Variants in B9D1 observed in about 807,000 individuals in gnomAD.
B9D1 encodes the protein B9 domain containing 1.
In B9D1, 20 loss-of-function variants were observed where a neutral mutation model predicts 26.1. The ratio of observed to expected loss-of-function variants is 0.77; its 90% CI spans 0.54 to 1.12. The LOEUF is 1.12. B9D1 is among the 50% of genes most tolerant of loss of function. B9D1 has a pLI of 0.00. For synonymous variants in B9D1, 105 were observed against 103.1 expected (o/e 1.02, Z -0.11); for missense variants, 260 against 273.7 (o/e 0.95, Z 0.35).
At chr17:19,368,770 C>A (rs555199890) in intron 1 of B9D1, among the ~76,000 whole-genome samples, 10 of 152,038 alleles carry the variant, frequency 6.6e-5, no homozygotes, top group Non-Finnish European at 1.5e-4. Flanking sequence ...ATAGAGACCC[C>A]GTCTCTAAGA....
intron 1 of B9D1, among the ~76,000 whole-genome samples, chr17:19,376,207 G>A (rs1912092466): frequency 1.3e-5 from 2 of 152,194 alleles, no homozygotes; most frequent in African/African-American, 2.4e-5. Context: ...GGGCTCTGGT[G>A]AAAGAGGAAT....
At chr17:19,362,423 G>C in intron 1 of B9D1, 84 bp downstream of exon 1, 1 of 1,005,972 alleles carries the variant, frequency 9.9e-7, no homozygotes, top group Admixed American at 2.8e-5. Context: ...GCTCTCCGGG[G>C]GCCACAGGGC....
downstream of B9D1, chr17:19,337,784 A>G: frequency 7.2e-7 from 1 of 1,393,596 alleles, no homozygotes; most frequent in Non-Finnish European, 9.6e-7. Context: ...TCAAGCATAG[A>G]TTTCTTACAG....
downstream of B9D1, chr17:19,335,894 A>T (rs993564755): frequency 6.5e-6 from 1 of 154,140 alleles, no homozygotes; most frequent in Non-Finnish European, 1.4e-5. Flanking sequence ...ACATTCCCCC[A>T]ATCCTGTGTC....
upstream of B9D1, among the ~76,000 whole-genome samples, chr17:19,364,757 T>C (rs1039296322): frequency 9.8e-5 from 15 of 152,294 alleles, no homozygotes; most frequent in African/African-American, 3.4e-4. The surrounding 1 kb of genome is among the most constrained non-coding windows in gnomAD (Gnocchi z 4.3). Context: ...CTCCTAGACA[T>C]TCCTCGCTCC....
At chr17:19,354,735 G>A (rs915039177) in intron 3 of B9D1, among the ~76,000 whole-genome samples, 3 of 152,134 alleles carry the variant, frequency 2.0e-5, no homozygotes, top group Non-Finnish European at 4.4e-5. Flanking sequence ...AGGCTGAGGC[G>A]GAGAATTGCT....
In B9D1 at chr17:19,376,305, C is replaced by A. The variant is rs1217660222; in HGVS notation, c.-298+1554G>T. On this transcript the variant is annotated intron_variant, in intron 1 of 5. Transcript: ENST00000477478. ...GAATGGACTCCCTCCTTGGCCAGCACACCCTAAAATTTAACCTGAAAGACT... is the reference window on the plus strand; with the variant it reads ...GAATGGACTCCCTCCTTGGCCAGCAAACCCTAAAATTTAACCTGAAAGACT... 4.7e-4 allele frequency among the ~76,000 whole-genome samples: 72 copies of A among 152,188 alleles called. 2 individuals carry two copies. Among genetic ancestry groups the A allele is most frequent in the Admixed American group, 4.7e-3 (72 of 15,284 alleles).
intron 2 of B9D1, among the ~76,000 whole-genome samples, chr17:19,358,839 G>A (rs567920226): frequency 6.6e-6 from 1 of 152,256 alleles, no homozygotes; most frequent in East Asian, 1.9e-4. Context: ...CTGCACTCTG[G>A]ATCAGCACCT....
chr17:19,343,381 T>TTGAC lies in B9D1; in HGVS notation c.552_553insGTCA (p.Thr185ValfsTer6). On this transcript the variant is annotated frameshift_variant, in exon 7 of 7. Coordinates refer to ENST00000261499, the MANE Select transcript of B9D1 (RefSeq NM_015681.6). LOFTEE classifies it low-confidence loss of function (END_TRUNC). The stretch of plus-strand genomic sequence containing the variant: ...ACACCCTGTGTATCAGAAGGCCCAG[T>TTGAC]GTCATAGCCCAGTTTCCTCATGTCC... 1 of 1,614,086 alleles carries TTGAC rather than the reference T, an allele frequency of 6.2e-7. No individual in the cohort carries two copies. Among genetic ancestry groups the TTGAC allele is most frequent in the East Asian group, 2.2e-5 (1 of 44,880 alleles).
At chr17:19,341,269 GC>G, downstream of B9D1, 1 of 1,231,900 alleles carries the variant, frequency 8.1e-7, no homozygotes. Context: ...CAAGGCCAGT[GC>G]CCTGGGTGAG....
chr17:19,347,951 G>T lies in B9D1; in HGVS notation c.245-71C>A. On this transcript the variant is annotated intron_variant, in intron 3 of 6. Transcript: ENST00000261499. This position sits in a 1 kb window ranked among gnomAD's most constrained non-coding sequence, Gnocchi z 4.3. ...GGAGGTGCAGGGCAGAGAACAGGGC[G>T]TGTCCAGCTGAGGGTGCTCAAAGGA... is the stretch of plus-strand genomic sequence containing the variant. 1 of 1,342,782 alleles carries T rather than the reference G, an allele frequency of 7.4e-7. No individual in the cohort carries two copies. Among genetic ancestry groups the T allele is most frequent in the Non-Finnish European group, 1.1e-6 (1 of 943,434 alleles). The allele number at this position is 1,342,782 out of a possible 1,614,324, so 83.2% of individuals were successfully genotyped here.
rs906264724 is a variant in B9D1 at position 19,362,692 on chromosome 17, G to A, written c.-123C>T. The A allele has an allele frequency of 6.5e-7, 1 of 1,537,144 alleles. No homozygotes were observed. The highest frequency in any genetic ancestry group is 8.7e-7 in the Non-Finnish European group (1 of 1,143,460). ...CACGTTTCTTGGCAGCGACACCTTC[G>A]CGAAGGCCACGCGAGTGCGCGTGTG... On this transcript the variant is annotated 5_prime_UTR_variant, in exon 1 of 7. Transcript: ENST00000261499.
At position 19,370,841 on chromosome 17, in the gene B9D1, T is replaced by C. The variant is rs889495421; in HGVS notation, c.-298+7018A>G. 5.3e-5 allele frequency among the ~76,000 whole-genome samples: 8 copies of C among 152,210 alleles called. No individual in the cohort carries two copies. The highest frequency in any genetic ancestry group is 1.7e-4 in the African/African-American group (7 of 41,448). On this transcript the variant is annotated intron_variant, in intron 1 of 5. Coordinates refer to the B9D1 transcript ENST00000477478. This position sits in a 1 kb window ranked among gnomAD's most constrained non-coding sequence, Gnocchi z 5.1. ...ATAGGCTGGCCTCAGGGGCAGTCCC[T>C]TTCCCACGGGGAGGGCCGCATGCAA...
intron 3 of B9D1, among the ~76,000 whole-genome samples, chr17:19,356,628 T>G (rs1910394763): frequency 6.6e-6 from 1 of 152,184 alleles, no homozygotes; most frequent in Non-Finnish European, 1.5e-5. Flanking sequence ...AGTTTTTTTG[T>G]GTCCTGGACC....
At chr17:19,351,138 CT>C (rs1260739181) in intron 3 of B9D1, among the ~76,000 whole-genome samples, 1 of 152,084 alleles carries the variant, frequency 6.6e-6, no homozygotes, top group African/African-American at 2.4e-5. Flanking sequence ...GGTGCCTGGC[CT>C]GACTCTGACT....
chr17:19,351,583 A>G (rs1909613039), intron 3 of B9D1, among the ~76,000 whole-genome samples: 3 of 151,872 alleles, frequency 2.0e-5, no homozygotes, highest in Admixed American at 1.3e-4. Flanking sequence ...TTTTTCTTAC[A>G]CTTCTGCCAT....
At chr17:19,337,228 T>C (rs1173619370), downstream of B9D1, among the ~76,000 whole-genome samples, 2 of 116,464 alleles carry the variant, frequency 1.7e-5, no homozygotes, top group East Asian at 4.5e-4. Context: ...CACTGGTTCT[T>C]AGGTGGCTTG....
At chr17:19,348,158 CAAG>C (rs901130039) in intron 3 of B9D1, among the ~76,000 whole-genome samples, 1 of 152,146 alleles carries the variant, frequency 6.6e-6, no homozygotes, top group African/African-American at 2.4e-5. Context: ...ACTCCATGTA[CAAG>C]GAGGCACTTC....
At chr17:19,342,131 C>T (rs900201884), downstream of B9D1, among the ~76,000 whole-genome samples, 2 of 152,102 alleles carry the variant, frequency 1.3e-5, no homozygotes, top group Non-Finnish European at 2.9e-5. Context: ...GCTCACCGCA[C>T]ATGGGGAGTG....
Sources: allele counts gnomAD v4.1 joint callset (sites outside exome capture counted in the v4.1 genomes callset), GRCh38; gene constraint gnomAD v4.1.1; non-coding constraint Gnocchi (gnomAD v3.1); transcripts MANE v1.5; gene names NCBI Gene and HGNC (gene_info 2026-07-23, HGNC 2026-07-21).